The following CORO2B variants were observed in gnomAD, a reference collection of about 807,000 sequenced individuals.
CORO2B encodes the protein coronin 2B.
Under a neutral mutation model 58.8 loss-of-function variants are expected in CORO2B, and 26 were observed. That is an observed-to-expected ratio of 0.44 (90% CI 0.32 to 0.61). CORO2B has a LOEUF of 0.61. CORO2B is among the 20% of genes least tolerant of loss of function. The pLI is 0.04. For synonymous variants in CORO2B, 242 were observed against 253.8 expected (o/e 0.95, Z 0.44); for missense variants, 460 against 645.1 (o/e 0.71, Z 3.11).
At chr15:68,578,386 G>C (rs1899328482), upstream of CORO2B, among the ~76,000 whole-genome samples, 1 of 152,220 alleles carries the variant, frequency 6.6e-6, no homozygotes, top group Admixed American at 6.5e-5. This position sits in a 1 kb window ranked among gnomAD's most constrained non-coding sequence, Gnocchi z 4.2. Flanking sequence ...CACTCTGATC[G>C]TCAGTTTCCT....
intron 1 of CORO2B, among the ~76,000 whole-genome samples, chr15:68,622,692 T>C (rs989231454): frequency 3.3e-5 from 5 of 152,146 alleles, no homozygotes; most frequent in African/African-American, 9.7e-5. Flanking sequence ...TTCATAGATA[T>C]TTGCTGAGCA....
intron 3 of CORO2B, among the ~76,000 whole-genome samples, chr15:68,709,600 G>A (rs1483846430): frequency 1.3e-5 from 2 of 151,712 alleles, no homozygotes; most frequent in African/African-American, 4.8e-5. Context: ...GGGACTATAA[G>A]CGTGCGCCAC....
At chr15:68,715,917 A>G (rs1450729831) in intron 8 of CORO2B, among the ~76,000 whole-genome samples, 6 of 152,190 alleles carry the variant, frequency 3.9e-5, no homozygotes. Flanking sequence ...CAGCAATTCT[A>G]TATTTCGGGT....
chr15:68,566,139 C>T, the CORO2B span, among the ~76,000 whole-genome samples: 1 of 152,172 alleles, frequency 6.6e-6, no homozygotes, highest in Non-Finnish European at 1.5e-5. Flanking sequence ...TTTCTAAGCA[C>T]TTTTCATGTA....
At chr15:68,600,133 T>C (rs1018064301) in intron 1 of CORO2B, among the ~76,000 whole-genome samples, 2 of 152,224 alleles carry the variant, frequency 1.3e-5, no homozygotes, top group African/African-American at 2.4e-5. Flanking sequence ...GCCTTATTGT[T>C]GGCTGAAGAT....
At chr15:68,600,648 G>A (rs1899957332) in intron 1 of CORO2B, among the ~76,000 whole-genome samples, 1 of 152,242 alleles carries the variant, frequency 6.6e-6, no homozygotes, top group Non-Finnish European at 1.5e-5. Context: ...GACCATGGGT[G>A]CCGACCAGTG....
chr15:68,590,971 T>G (rs1459142897), intron 1 of CORO2B, among the ~76,000 whole-genome samples: 1 of 152,160 alleles, frequency 6.6e-6, no homozygotes, highest in Non-Finnish European at 1.5e-5. Flanking sequence ...CTGAGATTTA[T>G]TTAAAAAAAA....
the CORO2B span, among the ~76,000 whole-genome samples, chr15:68,519,742 G>A: frequency 6.6e-6 from 1 of 152,028 alleles, no homozygotes; most frequent in East Asian, 1.9e-4. Flanking sequence ...TTTTTCTAAT[G>A]TCTTAGGATA....
At chr15:68,547,516 GTGT>G in the CORO2B span, among the ~76,000 whole-genome samples, 8 of 151,960 alleles carry the variant, frequency 5.3e-5, no homozygotes, top group Non-Finnish European at 7.4e-5. Flanking sequence ...TAATTTTTTT[GTGT>G]TTTTAGTAGA....
intron 3 of CORO2B, among the ~76,000 whole-genome samples, chr15:68,697,214 T>TTGGATGGA (rs201619943): frequency 1.4e-5 from 2 of 148,006 alleles, no homozygotes; most frequent in East Asian, 2.0e-4. Context: ...GGATGGATTG[T>TTGGATGGA]TGGATGGATG....
At chr15:68,686,026 T>G (rs1371020955) in intron 2 of CORO2B, among the ~76,000 whole-genome samples, 1 of 150,660 alleles carries the variant, frequency 6.6e-6, no homozygotes, top group Non-Finnish European at 1.5e-5. Flanking sequence ...TTCTGTTTTT[T>G]TTTTTTTTTT....
chr15:68,605,713 T>TG, intron 1 of CORO2B, among the ~76,000 whole-genome samples: 1 of 104,386 alleles, frequency 9.6e-6, no homozygotes, highest in African/African-American at 4.3e-5. Context: ...GCTCTTGGGT[T>TG]TTTTTTTTTT....
At chr15:68,614,671 G>A (rs1194818676) in intron 1 of CORO2B, among the ~76,000 whole-genome samples, 1 of 152,208 alleles carries the variant, frequency 6.6e-6, no homozygotes, top group African/African-American at 2.4e-5. Flanking sequence ...GTGCCTGGGA[G>A]GATTTCAGGA....
chr15:68,640,389 A>C (rs1456398342), intron 1 of CORO2B, among the ~76,000 whole-genome samples: 3 of 152,172 alleles, frequency 2.0e-5, no homozygotes, highest in African/African-American at 7.2e-5. Context: ...CTAACTCTTA[A>C]AGTTTACAAG....
chr15:68,633,543 A>ACACACACACT (rs1035888776), intron 1 of CORO2B, among the ~76,000 whole-genome samples: 42 of 151,396 alleles, frequency 2.8e-4, no homozygotes, highest in African/African-American at 9.8e-4. Context: ...ACACACACAC[A>ACACACACACT]CACTCACTCC....
chr15:68,718,999 G>A, intron 9 of CORO2B, 145 bp from the exon 10 acceptor site: 1 of 839,674 alleles, frequency 1.2e-6, no homozygotes, highest in East Asian at 2.5e-5. Context: ...CAGTCAGGTA[G>A]TTCCAGGAGG....
At chr15:68,681,831 G>A (rs912737765) in intron 2 of CORO2B, among the ~76,000 whole-genome samples, 4 of 152,156 alleles carry the variant, frequency 2.6e-5, no homozygotes, top group Non-Finnish European at 5.9e-5. Context: ...TTGAGGAGCA[G>A]AGATAACACA....
chr15:68,644,178 C>T lies in CORO2B; in HGVS notation c.16-982C>T, dbSNP rs552146315. On this transcript the variant is annotated intron_variant, in intron 1 of 11. Coordinates refer to ENST00000261861, the MANE Select transcript of CORO2B (RefSeq NM_006091.5). ...AAAAGTTTGTCACTCATGCAAAGTCCGCTATGGATTCTGTAAGTGTTCCAA... is the reference window on the plus strand; with the variant it reads ...AAAAGTTTGTCACTCATGCAAAGTCTGCTATGGATTCTGTAAGTGTTCCAA... Among the ~76,000 whole-genome samples, 10 of 152,316 alleles carry T rather than the reference C, an allele frequency of 6.6e-5. 1 individual carries two copies. In the South Asian group the frequency reaches 1.2e-3, roughly 19 times the overall value.
chr15:68,546,594 T>C, the CORO2B span, among the ~76,000 whole-genome samples: 2 of 152,204 alleles, frequency 1.3e-5, no homozygotes, highest in Non-Finnish European at 2.9e-5. Flanking sequence ...GCCTGCCTCC[T>C]CTGCCCAGTG....
Sources: allele counts gnomAD v4.1 joint callset (sites outside exome capture counted in the v4.1 genomes callset), GRCh38; gene constraint gnomAD v4.1.1; non-coding constraint Gnocchi (gnomAD v3.1); transcripts MANE v1.5; gene names NCBI Gene and HGNC (gene_info 2026-07-23, HGNC 2026-07-21).